PDE3B: variants seen among roughly 807,000 people sequenced by gnomAD.
The protein encoded by PDE3B is cGMP-inhibited 3',5'-cyclic phosphodiesterase 3B.
In PDE3B, 66 loss-of-function variants were observed where a neutral mutation model predicts 116.8. The ratio of observed to expected loss-of-function variants is 0.56; its 90% CI spans 0.46 to 0.69. The LOEUF is 0.69. Among genes scored for constraint, PDE3B ranks in the 30% least tolerant of loss-of-function variants. PDE3B has a pLI of 0.00. For missense variants in PDE3B, 1,384 were observed against 1,368.1 expected (o/e 1.01, Z -0.18); for synonymous variants, 595 against 533.6 (o/e 1.12, Z -1.59).
intron 7 of PDE3B, among the ~76,000 whole-genome samples, chr11:14,821,172 A>C (rs1012422543): frequency 6.6e-6 from 1 of 152,200 alleles, no homozygotes; most frequent in Non-Finnish European, 1.5e-5. Context: ...GCTATTGACC[A>C]GTCCATCTAA....
intron 2 of PDE3B, chr11:14,773,025 A>T (rs1857689921): frequency 6.6e-6 from 1 of 151,916 alleles, no homozygotes; most frequent in Non-Finnish European, 1.5e-5. Flanking sequence ...TGGTATGAGT[A>T]GGCAGCCTTG....
chr11:14,725,435 T>C (rs868230393), intron 1 of PDE3B, among the ~76,000 whole-genome samples: 39 of 131,194 alleles, frequency 3.0e-4, no homozygotes, highest in South Asian at 2.8e-4. Context: ...CCTTCCTTCC[T>C]TCCCTCCCTC....
chr11:14,683,296 AT>A (rs959919729), intron 1 of PDE3B, among the ~76,000 whole-genome samples: 6 of 150,072 alleles, frequency 4.0e-5, no homozygotes, highest in African/African-American at 1.5e-4. Flanking sequence ...CTGGGTCTCA[AT>A]TTTTTTTTTC....
At chr11:14,649,203 C>G (rs1853496124) in intron 1 of PDE3B, among the ~76,000 whole-genome samples, 1 of 152,126 alleles carries the variant, frequency 6.6e-6, no homozygotes, top group African/African-American at 2.4e-5. Flanking sequence ...TCTCTTTTCC[C>G]TTTCAATTAC....
chr11:14,794,179 T>C (rs1020519881), intron 4 of PDE3B, among the ~76,000 whole-genome samples: 3 of 152,152 alleles, frequency 2.0e-5, no homozygotes, highest in Non-Finnish European at 2.9e-5. Context: ...TCCACCATAC[T>C]CTGACAGCAC....
intron 4 of PDE3B, among the ~76,000 whole-genome samples, chr11:14,795,012 A>G (rs1590150921): frequency 6.6e-6 from 1 of 152,104 alleles, no homozygotes; most frequent in African/African-American, 2.4e-5. Flanking sequence ...GGAAGCCCCC[A>G]CGTGTTTGGC....
At chr11:14,833,821 T>C (rs748039121) in intron 10 of PDE3B, among the ~76,000 whole-genome samples, 9 of 152,166 alleles carry the variant, frequency 5.9e-5, no homozygotes, top group Non-Finnish European at 1.2e-4. Flanking sequence ...TCCACTTATA[T>C]ATTGTGCATT....
At chr11:14,667,132 T>G (rs1037642237) in intron 1 of PDE3B, among the ~76,000 whole-genome samples, 2 of 152,060 alleles carry the variant, frequency 1.3e-5, no homozygotes, top group Non-Finnish European at 2.9e-5. Context: ...ATGTCCTTTG[T>G]AGGGACATGG....
intron 1 of PDE3B, among the ~76,000 whole-genome samples, chr11:14,735,890 T>G (rs1016416172): frequency 6.6e-6 from 1 of 151,142 alleles, no homozygotes; most frequent in African/African-American, 2.4e-5. Context: ...ATAATGACAG[T>G]GAGGAAGAGA....
the PDE3B span, among the ~76,000 whole-genome samples, chr11:14,884,214 A>G: frequency 3.3e-5 from 5 of 152,106 alleles, no homozygotes; most frequent in East Asian, 6.0e-4. Flanking sequence ...TCATGCTGCT[A>G]TAAAGACACA....
chr11:14,831,258 C>A (rs1859874538), intron 8 of PDE3B, among the ~76,000 whole-genome samples: 1 of 151,502 alleles, frequency 6.6e-6, no homozygotes, highest in Non-Finnish European at 1.5e-5. Flanking sequence ...ACACCTATTT[C>A]TTTTGAAAAA....
At chr11:14,680,753 T>C (rs899013162) in intron 1 of PDE3B, among the ~76,000 whole-genome samples, 4 of 151,066 alleles carry the variant, frequency 2.6e-5, no homozygotes, top group Admixed American at 6.7e-5. Flanking sequence ...TTTAAAATGA[T>C]TGGTAAAATA....
Position 14,715,564 on chromosome 11 carries a change from G to C in PDE3B, c.979-56373G>C, listed in dbSNP as rs565531156. On this transcript the variant is annotated intron_variant, in intron 1 of 15. Transcript: ENST00000282096. ...ACTCATGATTTGGCTCTCTGTTTGT[G>C]TGTTATTGGTGTATAAGAATGCTTG... Among the ~76,000 whole-genome samples, 5 of 152,244 alleles carry C rather than the reference G, an allele frequency of 3.3e-5. No homozygotes were observed. The South Asian group carries it at 6.2e-4, about 19-fold the overall frequency.
At chr11:14,886,013 A>T in the PDE3B span, 1 of 1,213,708 alleles carries the variant, frequency 8.2e-7, no homozygotes, top group Non-Finnish European at 1.2e-6. Flanking sequence ...CTCTTCCAGG[A>T]TTTGTTACGT....
At chr11:14,891,634 G>A in the PDE3B span, 4 of 1,104,704 alleles carry the variant, frequency 3.6e-6, no homozygotes, top group Middle Eastern at 4.1e-4. Flanking sequence ...GCACCTGAGG[G>A]CATGCGTCCA....
At chr11:14,880,591 A>G in the PDE3B span, 1 of 1,613,148 alleles carries the variant, frequency 6.2e-7, no homozygotes, top group Non-Finnish European at 8.5e-7. Flanking sequence ...ATTCGTTATT[A>G]ACTGTTTAAA....
At chr11:14,652,346 T>G (rs1853594323) in intron 1 of PDE3B, among the ~76,000 whole-genome samples, 1 of 152,224 alleles carries the variant, frequency 6.6e-6, no homozygotes, top group Non-Finnish European at 1.5e-5. Flanking sequence ...TCTATACGTC[T>G]GTGTTTCTGT....
At chr11:14,817,912 A>C in intron 5 of PDE3B, among the ~76,000 whole-genome samples, 1 of 152,194 alleles carries the variant, frequency 6.6e-6, no homozygotes, top group East Asian at 1.9e-4. Context: ...TGTATGTTTT[A>C]GTCATACTGT....
At chr11:14,765,832 A>C (rs1267634442) in intron 1 of PDE3B, among the ~76,000 whole-genome samples, 1 of 149,662 alleles carries the variant, frequency 6.7e-6, no homozygotes, top group Non-Finnish European at 1.5e-5. Flanking sequence ...TTTTATATAT[A>C]TATTTATAAA....
Sources: allele counts gnomAD v4.1 joint callset (sites outside exome capture counted in the v4.1 genomes callset), GRCh38; gene constraint gnomAD v4.1.1; transcripts MANE v1.5; gene names NCBI Gene and HGNC (gene_info 2026-07-23, HGNC 2026-07-21).